PINX1: variants seen among roughly 807,000 people sequenced by gnomAD.
PINX1 encodes PIN2 (TERF1) interacting telomerase inhibitor 1, also known as PIN2/TERF1-interacting telomerase inhibitor 1.
In PINX1, 34 loss-of-function variants were observed where a neutral mutation model predicts 25.4. The ratio of observed to expected loss-of-function variants is 1.34; its 90% confidence interval spans 1.02 to 1.78. The LOEUF (loss-of-function observed/expected upper bound fraction) is 1.78. Ranked by LOEUF, PINX1 falls within the 40% of genes most tolerant of loss-of-function variation. The pLI, the probability that PINX1 is intolerant of heterozygous loss-of-function variation, is 0.00. For missense variants in PINX1, 592 were observed against 404.9 expected (o/e 1.46, Z -3.97); for synonymous variants, 197 against 147.7 (o/e 1.33, Z -2.42).
intron 5 of PINX1, chr8:10,825,355 T>A (rs775134108): frequency 1.9e-6 from 1 of 534,750 alleles, no homozygotes; most frequent in Non-Finnish European, 3.8e-6. Flanking sequence ...GAAAGAACCA[T>A]CAACAGAGAC....
chr8:10,829,825 C>T (rs1290934754), intron 4 of PINX1, among the ~76,000 whole-genome samples: 1 of 152,156 alleles, frequency 6.6e-6, no homozygotes, highest in Admixed American at 6.5e-5. Context: ...GCTGGGATTA[C>T]AGGCATACGC....
In PINX1 at chr8:10,839,743, G is replaced by C; in HGVS notation, c.14C>G (p.Ala5Gly). The C allele has an allele frequency of 6.2e-7, 1 of 1,605,902 alleles. No individual in the cohort carries two copies. The highest frequency in any genetic ancestry group is 8.5e-7 in the Non-Finnish European group (1 of 1,176,328). ...CCTCCGCTTCCGACACTCACGTTCAGCCAGCATAGACATGTCGGAGAGCCT... is the reference window on the plus strand; with the variant it reads ...CCTCCGCTTCCGACACTCACGTTCACCCAGCATAGACATGTCGGAGAGCCT... MSML[A>G]ERRRKQKWAV... The change falls in exon 1 of 7, where the codon GCT becomes GGT. Residue 5 changes from alanine (A) to glycine (G), a missense_variant. Transcript: ENST00000314787.
intron 6 of PINX1, among the ~76,000 whole-genome samples, chr8:10,792,783 G>A (rs1801964404): frequency 6.6e-6 from 1 of 152,190 alleles, no homozygotes; most frequent in Non-Finnish European, 1.5e-5. Context: ...ATAAACAGCA[G>A]TCTACATTGT....
chr8:10,802,440 T>C (rs1302097890), intron 6 of PINX1, among the ~76,000 whole-genome samples: 1 of 152,202 alleles, frequency 6.6e-6, no homozygotes, highest in Non-Finnish European at 1.5e-5. Flanking sequence ...AATTTGGATA[T>C]CCCAGGCCTG....
intron 6 of PINX1, among the ~76,000 whole-genome samples, chr8:10,773,364 C>T (rs1801290313): frequency 6.6e-6 from 1 of 152,228 alleles, no homozygotes; most frequent in Non-Finnish European, 1.5e-5. Flanking sequence ...CTGCTAACTG[C>T]TGCCTGCTTT....
rs368665129 is a variant in PINX1 at position 10,839,837 on chromosome 8, G to A, written c.-81C>T. ...CGGGCTGGAGACTCCAGGAGAATCA[G>A]GACGTGCGTAACTCCCTCGCCGGCG... On this transcript the variant is annotated 5_prime_UTR_variant, in exon 1 of 7. Coordinates refer to ENST00000314787, the MANE Select transcript of PINX1 (RefSeq NM_017884.6). 15 of 1,385,106 alleles carry A rather than the reference G, an allele frequency of 1.1e-5. No individual in the cohort carries two copies. Among genetic ancestry groups the A allele is most frequent in the African/African-American group, 1.0e-4 (7 of 69,450 alleles). The allele number at this position is 1,385,106 out of a possible 1,614,324, so 85.8% of individuals were successfully genotyped here.
Position 10,834,743 on chromosome 8 carries a change from G to A in PINX1, c.52C>T (p.Gln18Ter), listed in dbSNP as rs774633733. 1 of 1,613,746 alleles carries A rather than the reference G, an allele frequency of 6.2e-7. No individual in the cohort carries two copies. The change falls in exon 2 of 7, where the codon CAG becomes TAG. Residue 18 changes from glutamine (Q) to a stop codon, truncating the protein, a stop_gained. Coordinates refer to ENST00000314787, the MANE Select transcript of PINX1 (RefSeq NM_017884.6). LOFTEE classifies it high-confidence loss of function. ...RRKQKWAVDP[Q>*]NTAWSNDDSK... ...TCGTCATTACTCCAGGCAGTGTTCTGAGGATCCACAGCCCACTTCTGCTTC... is the reference window on the plus strand; with the variant it reads ...TCGTCATTACTCCAGGCAGTGTTCTAAGGATCCACAGCCCACTTCTGCTTC...
intron 4 of PINX1, among the ~76,000 whole-genome samples, chr8:10,828,349 C>T (rs535909682): frequency 6.6e-6 from 1 of 152,178 alleles, no homozygotes; most frequent in African/African-American, 2.4e-5. Context: ...CGGCTCCTAC[C>T]GACTGCAAGT....
chr8:10,817,372 C>G (rs558159332), intron 6 of PINX1, among the ~76,000 whole-genome samples: 4 of 152,332 alleles, frequency 2.6e-5, no homozygotes, highest in African/African-American at 7.2e-5. Context: ...TCAAACAAAT[C>G]TGATCAAAGT....
chr8:10,818,644 G>A (rs1012156266), intron 6 of PINX1, among the ~76,000 whole-genome samples: 3 of 152,162 alleles, frequency 2.0e-5, no homozygotes, highest in Non-Finnish European at 2.9e-5. Context: ...ATGTGGAAAC[G>A]CCAGTACAGA....
intron 6 of PINX1, among the ~76,000 whole-genome samples, chr8:10,769,362 G>A (rs1307377638): frequency 6.6e-6 from 1 of 151,938 alleles, no homozygotes; most frequent in Non-Finnish European, 1.5e-5. Context: ...GCTAATGAGT[G>A]CATCACATGT....
At chr8:10,782,893 G>C (rs776758083) in intron 6 of PINX1, among the ~76,000 whole-genome samples, 1 of 152,206 alleles carries the variant, frequency 6.6e-6, no homozygotes, top group Non-Finnish European at 1.5e-5. Context: ...GAGAATGCTA[G>C]AGCACCTCCT....
chr8:10,778,043 G>A (rs994281789), intron 6 of PINX1, among the ~76,000 whole-genome samples: 2 of 152,304 alleles, frequency 1.3e-5, no homozygotes, highest in Middle Eastern at 3.4e-3. Context: ...GAATGGCATC[G>A]ATGAGCTGCT....
Position 10,786,339 on chromosome 8 carries a change from T to G in PINX1, c.472-20423A>C, listed in dbSNP as rs73208749. Among the ~76,000 whole-genome samples the G allele has an allele frequency of 5.0e-3, 765 of 152,296 alleles. 5 individuals carry two copies. Among genetic ancestry groups the G allele is most frequent in the Admixed American group, 8.4e-3 (128 of 15,296 alleles). On this transcript the variant is annotated intron_variant, in intron 6 of 6. Coordinates refer to ENST00000314787, the MANE Select transcript of PINX1 (RefSeq NM_017884.6). ...CTTCCTATTCTCTTGCATGGTTGGC[T>G]CTTTCTACAACACCAAGTAGCGTGG...
intron 6 of PINX1, among the ~76,000 whole-genome samples, chr8:10,799,788 G>A (rs1169273101): frequency 3.9e-5 from 6 of 152,184 alleles, no homozygotes; most frequent in Admixed American, 1.3e-4. Flanking sequence ...CAATGTCCAA[G>A]GACTACAGAC....
At chr8:10,823,064 T>C (rs7813875) in intron 5 of PINX1, among the ~76,000 whole-genome samples, 18,177 of 152,088 alleles carry the variant, frequency 0.12, 1,759 homozygotes, top group African/African-American at 0.26. Context: ...AAAGAGTCAG[T>C]GTGAGTGACA....
chr8:10,817,437 G>T (rs1797731354), intron 6 of PINX1, among the ~76,000 whole-genome samples: 1 of 152,162 alleles, frequency 6.6e-6, no homozygotes, highest in Non-Finnish European at 1.5e-5. Flanking sequence ...AGGTTTCTTA[G>T]CAATAGTCTA....
chr8:10,777,787 T>C (rs2116095), intron 6 of PINX1, among the ~76,000 whole-genome samples: 94,817 of 152,074 alleles, frequency 0.62, 30,698 homozygotes, highest in African/African-American at 0.79. Flanking sequence ...TGCTTCGCAC[T>C]CTGCCCGTCA....
chr8:10,834,473 A>C (rs1798332030), intron 2 of PINX1, 193 bp downstream of exon 2: 2 of 762,466 alleles, frequency 2.6e-6, no homozygotes. Context: ...ATGGCAGCTT[A>C]AATGATAGAA....
Sources: gnomAD v4.1 joint callset for allele counts (sites outside exome capture counted in the v4.1 genomes callset) on GRCh38, gnomAD v4.1.1 for gene constraint, MANE v1.5 for transcripts, NCBI Gene and HGNC (gene_info 2026-07-23, HGNC 2026-07-21) for gene names.